Variants in SUGCT observed in about 807,000 individuals in gnomAD.
SUGCT encodes the protein succinyl-CoA:glutarate CoA-transferase.
Under a neutral mutation model 55.0 loss-of-function variants are expected in SUGCT, and 41 were observed. That is an observed-to-expected ratio of 0.74 (90% CI 0.58 to 0.97). SUGCT has a LOEUF of 0.97. Among genes scored for constraint, SUGCT ranks in the 50% least tolerant of loss-of-function variants. The probability of loss-of-function intolerance (pLI) is 0.00; values close to 1 mark genes in which losing one functional copy is unlikely to be tolerated. For missense variants in SUGCT, 568 were observed against 547.8 expected (o/e 1.04, Z -0.37); for synonymous variants, 187 against 200.4 (o/e 0.93, Z 0.56).
chr7:40,226,142 G>T (rs1202708830), intron 6 of SUGCT, among the ~76,000 whole-genome samples: 1 of 152,108 alleles, frequency 6.6e-6, no homozygotes, highest in Non-Finnish European at 1.5e-5. Context: ...AATCTTATTG[G>T]AATCCTGCTG....
the SUGCT span, among the ~76,000 whole-genome samples, chr7:40,884,283 C>CTTCAGCAGA: frequency 2.6e-5 from 4 of 152,300 alleles, no homozygotes; most frequent in East Asian, 7.7e-4. Flanking sequence ...AGACTGTCTC[C>CTTCAGCAGA]CTGTCCAGAT....
At chr7:40,906,886 A>G in the SUGCT span, among the ~76,000 whole-genome samples, 1 of 152,176 alleles carries the variant, frequency 6.6e-6, no homozygotes, top group South Asian at 2.1e-4. Context: ...ACGCTCTATA[A>G]CTTAGAGTTG....
chr7:40,970,071 C>T, the SUGCT span, among the ~76,000 whole-genome samples: 1 of 152,082 alleles, frequency 6.6e-6, no homozygotes, highest in East Asian at 1.9e-4. Flanking sequence ...ATATTGATGG[C>T]AATACAATGA....
intron 11 of SUGCT, among the ~76,000 whole-genome samples, chr7:40,468,396 CTTTCCTAAATCCTCAA>C (rs915358125): frequency 1.7e-4 from 26 of 152,182 alleles, no homozygotes; most frequent in African/African-American, 6.0e-4. Flanking sequence ...GCCTTTCCCC[CTTTCCTAAATCCTCAA>C]TTTTATTCCT....
intron 9 of SUGCT, among the ~76,000 whole-genome samples, chr7:40,402,934 G>T (rs563427184): frequency 1.3e-5 from 2 of 152,146 alleles, no homozygotes; most frequent in Non-Finnish European, 2.9e-5. Context: ...GAACACAAGA[G>T]ACTTTTTACT....
In SUGCT at chr7:40,704,551, A is replaced by G. The variant is rs570518269; in HGVS notation, c.1090-44883A>G. 3.3e-5 allele frequency among the ~76,000 whole-genome samples: 5 copies of G among 152,250 alleles called. No homozygotes were observed. The East Asian group carries it at 7.7e-4, about 24-fold the overall frequency. On this transcript the variant is annotated intron_variant, in intron 12 of 13. Coordinates refer to ENST00000335693, the MANE Select transcript of SUGCT (RefSeq NM_001193313.2). ...CATGGATTATCAGCTGTCAGGGTCA[A>G]TGGCCAGACCTGACCCAGCATGAGG...
chr7:40,766,798 C>T (rs566206514), intron 13 of SUGCT, among the ~76,000 whole-genome samples: 22 of 152,182 alleles, frequency 1.4e-4, no homozygotes, highest in African/African-American at 4.6e-4. Flanking sequence ...TATGTGTTCA[C>T]GTGACATATT....
rs552709087 is a variant in SUGCT, at chr7:40,254,532, G to A, written c.576+16806G>A. Reference sequence around the variant, plus strand: ...CCTGTCTCAGCCTCCTGAGTAGCTGGGATTACAGGTACCACCACACCCAGC... The same window carrying A: ...CCTGTCTCAGCCTCCTGAGTAGCTGAGATTACAGGTACCACCACACCCAGC... On this transcript the variant is annotated intron_variant, in intron 7 of 13. Coordinates refer to ENST00000335693, the MANE Select transcript of SUGCT (RefSeq NM_001193313.2). 4.6e-5 allele frequency among the ~76,000 whole-genome samples: 7 copies of A among 151,890 alleles called. No individual in the cohort carries two copies. In the South Asian group the frequency reaches 1.5e-3, roughly 32 times the overall value.
chr7:40,668,900 A>G (rs1275102831), intron 12 of SUGCT, among the ~76,000 whole-genome samples: 1 of 152,108 alleles, frequency 6.6e-6, no homozygotes, highest in East Asian at 1.9e-4. Context: ...CTAGACTTCT[A>G]CCCTTGTCAG....
At chr7:40,939,121 G>A in the SUGCT span, among the ~76,000 whole-genome samples, 2 of 152,130 alleles carry the variant, frequency 1.3e-5, no homozygotes, top group Non-Finnish European at 2.9e-5. Flanking sequence ...TCAGTTCCAC[G>A]TGGGTGGGGA....
chr7:40,170,714 G>T (rs1264409451), intron 1 of SUGCT, among the ~76,000 whole-genome samples: 3 of 152,048 alleles, frequency 2.0e-5, no homozygotes, highest in Non-Finnish European at 4.4e-5. Context: ...AGGGGTATGG[G>T]TTGCTGGAGT....
At chr7:40,969,136 G>A in the SUGCT span, among the ~76,000 whole-genome samples, 2 of 152,214 alleles carry the variant, frequency 1.3e-5, no homozygotes, top group Non-Finnish European at 2.9e-5. Context: ...AAACTCCACT[G>A]CTTCCGATTA....
At chr7:40,476,183 G>GTGTCTA (rs1405909654) in intron 11 of SUGCT, among the ~76,000 whole-genome samples, 3 of 152,240 alleles carry the variant, frequency 2.0e-5, no homozygotes, top group Non-Finnish European at 2.9e-5. Context: ...GTATATGTCT[G>GTGTCTA]TGTCTATGTC....
chr7:40,782,424 C>T lies in SUGCT; in HGVS notation c.1153+32927C>T, dbSNP rs566715035. Among the ~76,000 whole-genome samples, 45 of 152,098 alleles carry T rather than the reference C, an allele frequency of 3.0e-4. No homozygotes were observed. The East Asian group carries it at 8.1e-3, about 27-fold the overall frequency. ...GGCTGTCTATTAATACAAGCATATGCCAGTTTATTTCTATTATTATCTGTG... is the reference window on the plus strand; with the variant it reads ...GGCTGTCTATTAATACAAGCATATGTCAGTTTATTTCTATTATTATCTGTG... On this transcript the variant is annotated intron_variant, in intron 13 of 13. Coordinates refer to ENST00000335693, the MANE Select transcript of SUGCT (RefSeq NM_001193313.2).
At chr7:40,234,282 T>C (rs1008497831) in intron 6 of SUGCT, among the ~76,000 whole-genome samples, 15 of 152,210 alleles carry the variant, frequency 9.9e-5, no homozygotes, top group African/African-American at 3.6e-4. Flanking sequence ...CAGGCCTTCC[T>C]GCCGATGGTG....
chr7:40,287,672 G>T (rs1164557258), intron 8 of SUGCT, among the ~76,000 whole-genome samples: 1 of 151,710 alleles, frequency 6.6e-6, no homozygotes, highest in Non-Finnish European at 1.5e-5. Context: ...AAATTTTTTT[G>T]AATTTTAATA....
intron 13 of SUGCT, among the ~76,000 whole-genome samples, chr7:40,772,530 C>CT (rs1789181742): frequency 1.3e-5 from 2 of 151,216 alleles, no homozygotes; most frequent in South Asian, 4.2e-4. Context: ...ATCTATCTAT[C>CT]TATCTATCTA....
Position 40,340,921 on chromosome 7 carries a change from A to C in SUGCT, c.816+24066A>C, listed in dbSNP as rs1296850937. 3.9e-5 allele frequency among the ~76,000 whole-genome samples: 6 copies of C among 152,202 alleles called. No individual in the cohort carries two copies. In the South Asian group the frequency reaches 1.0e-3, roughly 26 times the overall value. ...ACTGTCATCATGTCTTTTGAAGCAAAGAGGTGAGGTATGTAGTATTAGATC... is the reference window on the plus strand; with the variant it reads ...ACTGTCATCATGTCTTTTGAAGCAACGAGGTGAGGTATGTAGTATTAGATC... On this transcript the variant is annotated intron_variant, in intron 9 of 13. Coordinates refer to ENST00000335693, the MANE Select transcript of SUGCT (RefSeq NM_001193313.2).
At chr7:40,995,835 G>C in the SUGCT span, among the ~76,000 whole-genome samples, 1 of 152,162 alleles carries the variant, frequency 6.6e-6, no homozygotes, top group South Asian at 2.1e-4. Flanking sequence ...CCTTCAGGCA[G>C]AATGCTTCAT....
Sources: gnomAD v4.1 joint callset for allele counts (sites outside exome capture counted in the v4.1 genomes callset) on GRCh38, gnomAD v4.1.1 for gene constraint, MANE v1.5 for transcripts, NCBI Gene and HGNC (gene_info 2026-07-23, HGNC 2026-07-21) for gene names.